Variants in NSL1 observed in about 807,000 individuals in gnomAD.
The protein encoded by NSL1 is NSL1 component of MIS12 kinetochore complex, also known as kinetochore-associated protein NSL1 homolog.
Under a neutral mutation model 25.4 loss-of-function variants are expected in NSL1, and 11 were observed. That is an observed-to-expected ratio of 0.43 (90% CI 0.27 to 0.72). NSL1 has a LOEUF of 0.72. Ranked by LOEUF, NSL1 falls within the 30% of genes least tolerant of loss-of-function variation. NSL1 has a pLI of 0.19. For synonymous variants in NSL1, 118 were observed against 120.6 expected (o/e 0.98, Z 0.14); for missense variants, 330 against 342.7 (o/e 0.96, Z 0.29).
In NSL1 at chr1:212,750,216, G is replaced by A. The variant is rs541078804; in HGVS notation, c.500-10615C>T. 2.6e-5 allele frequency among the ~76,000 whole-genome samples: 4 copies of A among 151,784 alleles called. No individual in the cohort carries two copies. In the South Asian group the frequency reaches 8.4e-4, roughly 32 times the overall value. Reference sequence around the variant, plus strand: ...AGGGTGCCATGGAGGCACAAAGGAGGGTGAGATCAATCTAACAAGGGAACC... The same window carrying A: ...AGGGTGCCATGGAGGCACAAAGGAGAGTGAGATCAATCTAACAAGGGAACC... On this transcript the variant is annotated intron_variant, in intron 4 of 5. Coordinates refer to ENST00000366977, the MANE Select transcript of NSL1 (RefSeq NM_015471.4).
rs987242778 is a variant in NSL1, at chr1:212,771,478, A to G, written c.499+10894T>C. 4.6e-5 allele frequency among the ~76,000 whole-genome samples: 7 copies of G among 152,294 alleles called. No homozygotes were observed. In the East Asian group the frequency reaches 7.7e-4, roughly 17 times the overall value. On this transcript the variant is annotated intron_variant, in intron 4 of 5. Coordinates refer to ENST00000366977, the MANE Select transcript of NSL1 (RefSeq NM_015471.4). ...CCCACTTTCACCACTCCTATTCAACATAGCACTGGAAGTCCTAGCCAGAGC... is the reference window on the plus strand; with the variant it reads ...CCCACTTTCACCACTCCTATTCAACGTAGCACTGGAAGTCCTAGCCAGAGC...
At chr1:212,787,916 G>C (rs1661011184) in intron 1 of NSL1, among the ~76,000 whole-genome samples, 1 of 151,884 alleles carries the variant, frequency 6.6e-6, no homozygotes, top group South Asian at 2.1e-4. Context: ...TAGAATGAAA[G>C]AAAAAATAAA....
chr1:212,741,206 A>G (rs1236732447), intron 4 of NSL1, among the ~76,000 whole-genome samples: 3 of 145,400 alleles, frequency 2.1e-5, no homozygotes, highest in African/African-American at 7.3e-5. Context: ...TCTCTGTGGT[A>G]TGGCAAATAA....
At chr1:212,784,051 T>G (rs1190188007) in intron 3 of NSL1, 2 of 170,426 alleles carry the variant, frequency 1.2e-5, no homozygotes, top group Non-Finnish European at 2.5e-5. Context: ...AAGAAAAGCT[T>G]CTTTTTCCAT....
intron 4 of NSL1, among the ~76,000 whole-genome samples, chr1:212,777,144 C>T (rs1243145090): frequency 9.2e-5 from 14 of 151,664 alleles, no homozygotes; most frequent in African/African-American, 3.4e-4. Context: ...GAGGCCAAGG[C>T]AGGAGAAGCA....
chr1:212,770,434 T>G (rs1660049174), intron 4 of NSL1, among the ~76,000 whole-genome samples: 1 of 151,730 alleles, frequency 6.6e-6, no homozygotes, highest in Non-Finnish European at 1.5e-5. Flanking sequence ...ATGAATAAAT[T>G]CCTGGACATA....
Position 212,726,889 on chromosome 1 carries a change from G to A in NSL1, c.*11519C>T. ...CGAGCCCGGTCCCAGGGGCTGGATG[G>A]TGTCCCTCCCTCTGATGGACACCAG... On this transcript the variant is annotated 3_prime_UTR_variant, in exon 6 of 6. Transcript: ENST00000366977. 1 of 390,492 alleles carries A rather than the reference G, an allele frequency of 2.6e-6. No individual in the cohort carries two copies. The highest frequency in any genetic ancestry group is 4.5e-6 in the Non-Finnish European group (1 of 219,968). The allele number at this position is 390,492 out of a possible 1,614,324, so 24.2% of individuals were successfully genotyped here. A position where few individuals can be genotyped will look rare whatever the true frequency, so the allele number is the denominator to read the frequency against.
At chr1:212,743,738 A>G (rs1658616224) in intron 4 of NSL1, among the ~76,000 whole-genome samples, 1 of 152,162 alleles carries the variant, frequency 6.6e-6, no homozygotes, top group South Asian at 2.1e-4. Context: ...GAAAACAGTC[A>G]AGGGTTTTCA....
chr1:212,764,401 G>A (rs1403012979), intron 4 of NSL1, among the ~76,000 whole-genome samples: 6 of 151,904 alleles, frequency 3.9e-5, no homozygotes, highest in Non-Finnish European at 8.8e-5. Context: ...AAACCCAGGA[G>A]AAGAAGTAAC....
At position 212,736,939 on chromosome 1, in the gene NSL1, A is replaced by T; in HGVS notation, c.*1469T>A. The T allele has an allele frequency of 6.1e-6, 6 of 984,082 alleles. No homozygotes were observed. Among genetic ancestry groups the T allele is most frequent in the Non-Finnish European group, 7.2e-6 (6 of 828,648 alleles). 61.0% of individuals were successfully genotyped at this position (984,082 alleles called of 1,614,324 possible). A position where few individuals can be genotyped will look rare whatever the true frequency, so the allele number is the denominator to read the frequency against. ...TAGCTTATATAATCTAATAGAATTA[A>T]CAATAACTCTTTTGTTTGGGGACCT... On this transcript the variant is annotated 3_prime_UTR_variant, in exon 6 of 6. Transcript: ENST00000366977.
intron 4 of NSL1, among the ~76,000 whole-genome samples, chr1:212,742,519 CT>C (rs1011140914): frequency 6.6e-6 from 1 of 152,158 alleles, no homozygotes; most frequent in African/African-American, 2.4e-5. Flanking sequence ...AAATTATCCC[CT>C]ATAACATGAA....
Position 212,727,593 on chromosome 1 carries a change from C to T in NSL1, c.*10815G>A. 1.0e-6 allele frequency: 1 copy of T among 985,362 alleles called. No homozygotes were observed. Among genetic ancestry groups the T allele is most frequent in the Non-Finnish European group, 1.2e-6 (1 of 829,886 alleles). 61.0% of individuals were successfully genotyped at this position (985,362 alleles called of 1,614,324 possible). A position where few individuals can be genotyped will look rare whatever the true frequency, so the allele number is the denominator to read the frequency against. The stretch of plus-strand genomic sequence containing the variant: ...CTCAAAAACTTTATGACTCAGTTGT[C>T]TGGAAGTTGTTTTGTAACCTTCTAA... On this transcript the variant is annotated 3_prime_UTR_variant, in exon 6 of 6. Transcript: ENST00000366977.
chr1:212,733,433 C>CAAAAAAAAAAAAAAAAAA lies in NSL1; in HGVS notation c.*4957_*4974dup, dbSNP rs140675222. ...GGCAACACAGCAAGACCTTGTTTCA[C>CAAAAAAAAAAAAAAAAAA]AAAAAAAAAAAAAAAAAAATCCCAT... is the stretch of plus-strand genomic sequence containing the variant. On this transcript the variant is annotated 3_prime_UTR_variant, in exon 6 of 6. Coordinates refer to ENST00000366977, the MANE Select transcript of NSL1 (RefSeq NM_015471.4). Among the ~76,000 whole-genome samples, 2 of 135,900 alleles carry CAAAAAAAAAAAAAAAAAA rather than the reference C, an allele frequency of 1.5e-5. No individual in the cohort carries two copies. Among genetic ancestry groups the CAAAAAAAAAAAAAAAAAA allele is most frequent in the African/African-American group, 5.4e-5 (2 of 37,216 alleles). 89.2% of individuals were successfully genotyped at this position (135,900 alleles called of 152,430 possible).
rs1486666002 is a variant in NSL1, at chr1:212,726,522, C to T, written c.*11886G>A. The T allele has an allele frequency of 6.6e-6, 1 of 152,438 alleles. No individual in the cohort carries two copies. Among genetic ancestry groups the T allele is most frequent in the Non-Finnish European group, 1.5e-5 (1 of 68,210 alleles). The allele number at this position is 152,438 out of a possible 1,614,324, so 9.4% of individuals were successfully genotyped here. Reference sequence around the variant, plus strand: ...AGCCATCTATCCAGGTCCCTGTACTCTCTCTGGCCCTCTGGTCTCCACAGC... The same window carrying T: ...AGCCATCTATCCAGGTCCCTGTACTTTCTCTGGCCCTCTGGTCTCCACAGC... On this transcript the variant is annotated 3_prime_UTR_variant, in exon 6 of 6. Transcript: ENST00000366977.
At chr1:212,786,833 G>A (rs1660967816) in intron 2 of NSL1, among the ~76,000 whole-genome samples, 1 of 152,100 alleles carries the variant, frequency 6.6e-6, no homozygotes, top group African/African-American at 2.4e-5. Flanking sequence ...AATTGAACAG[G>A]AAAGAATTAT....
At chr1:212,776,053 G>A (rs1228588035) in intron 4 of NSL1, among the ~76,000 whole-genome samples, 1 of 152,008 alleles carries the variant, frequency 6.6e-6, no homozygotes, top group Non-Finnish European at 1.5e-5. Flanking sequence ...CTGAGCTCGT[G>A]ATCCGCCCAC....
At chr1:212,741,539 A>G (rs1571866028) in intron 4 of NSL1, among the ~76,000 whole-genome samples, 1 of 152,226 alleles carries the variant, frequency 6.6e-6, no homozygotes, top group Middle Eastern at 3.4e-3. Context: ...CTCACCCCCA[A>G]AACAGCTTCT....
intron 4 of NSL1, among the ~76,000 whole-genome samples, chr1:212,779,525 G>A (rs530199697): frequency 5.7e-5 from 6 of 104,886 alleles, no homozygotes; most frequent in East Asian, 3.2e-4. Flanking sequence ...TCAGCCCCCC[G>A]CCCAGCCAGC....
At chr1:212,789,657 C>T (rs4951463) in intron 1 of NSL1, among the ~76,000 whole-genome samples, 61,222 of 152,084 alleles carry the variant, frequency 0.4, 13,967 homozygotes, top group Non-Finnish European at 0.51. Flanking sequence ...AACAGAGATA[C>T]AAAATAAAGC....
Sources: allele counts gnomAD v4.1 joint callset (sites outside exome capture counted in the v4.1 genomes callset), GRCh38; gene constraint gnomAD v4.1.1; transcripts MANE v1.5; gene names NCBI Gene and HGNC (gene_info 2026-07-23, HGNC 2026-07-21).